The following LCORL variants were observed in gnomAD, a reference collection of about 807,000 sequenced individuals.
LCORL encodes ligand-dependent nuclear receptor corepressor-like protein.
Under a neutral mutation model 141.8 loss-of-function variants are expected in LCORL, and 41 were observed. That is an observed-to-expected ratio of 0.29 (90% CI 0.23 to 0.38). The LOEUF is 0.38. Ranked by LOEUF, LCORL falls within the 10% of genes least tolerant of loss-of-function variation. The probability of loss-of-function intolerance (pLI) is 1.00; values close to 1 mark genes in which losing one functional copy is unlikely to be tolerated. For missense variants in LCORL, 1,759 were observed against 2,035.0 expected (o/e 0.86, Z 2.61); for synonymous variants, 618 against 694.1 (o/e 0.89, Z 1.72).
chr4:17,842,952 GAACTT>G (rs1204605452), exon 8 of LCORL: 1 of 169,290 alleles, frequency 5.9e-6, no homozygotes, highest in Non-Finnish European at 1.3e-5. Flanking sequence ...TCAAGAGAGA[GAACTT>G]AATTTTTTTG....
intron 7 of LCORL, among the ~76,000 whole-genome samples, chr4:17,867,316 CAG>C (rs1325671241): frequency 6.6e-6 from 1 of 151,878 alleles, no homozygotes; most frequent in East Asian, 1.9e-4. Context: ...GTGATACGAA[CAG>C]AGTCGGCAAA....
intron 5 of LCORL, among the ~76,000 whole-genome samples, chr4:17,896,839 CATT>C (rs1332791223): frequency 1.3e-5 from 2 of 151,952 alleles, no homozygotes; most frequent in Admixed American, 1.3e-4. Flanking sequence ...TTTTTGTACC[CATT>C]AACTATCCCC....
At chr4:18,001,464 TC>T (rs1721947201) in intron 1 of LCORL, among the ~76,000 whole-genome samples, 1 of 152,172 alleles carries the variant, frequency 6.6e-6, no homozygotes, top group Non-Finnish European at 1.5e-5. Context: ...TAAGGCTTTA[TC>T]CTAAGGTCAA....
At chr4:17,912,907 A>T (rs531184021) in intron 4 of LCORL, 2 of 464,434 alleles carry the variant, frequency 4.3e-6, no homozygotes, top group Non-Finnish European at 8.4e-6. Flanking sequence ...CATCCAAAAG[A>T]CCACCAGCCA....
chr4:17,945,525 C>G (rs1738731301), intron 4 of LCORL, among the ~76,000 whole-genome samples: 2 of 151,854 alleles, frequency 1.3e-5, no homozygotes, highest in African/African-American at 4.8e-5. Flanking sequence ...TCCTTTTCTC[C>G]CTTTCCAAGT....
exon 7 of LCORL, chr4:17,875,882 G>T: frequency 1.6e-6 from 2 of 1,231,052 alleles, no homozygotes; most frequent in South Asian, 8.2e-5. Flanking sequence ...TTGCATGACT[G>T]AATTTGTTTA....
chr4:17,860,371 G>A (rs1008148539), intron 7 of LCORL, among the ~76,000 whole-genome samples: 3 of 152,124 alleles, frequency 2.0e-5, no homozygotes, highest in African/African-American at 7.2e-5. Flanking sequence ...GTCTCACATG[G>A]TGGCAGACAA....
intron 4 of LCORL, among the ~76,000 whole-genome samples, chr4:17,952,250 T>C (rs544407811): frequency 2.0e-4 from 31 of 151,810 alleles, no homozygotes; most frequent in African/African-American, 7.5e-4. Context: ...GGGCCCCAAA[T>C]AGAATTACAT....
intron 6 of LCORL, chr4:17,883,665 C>CGCAA: frequency 7.1e-7 from 1 of 1,402,502 alleles, no homozygotes; most frequent in African/African-American, 1.8e-5. Context: ...CACATACACA[C>CGCAA]ACACGCAAAC....
intron 1 of LCORL, among the ~76,000 whole-genome samples, chr4:18,015,630 G>C (rs1724512237): frequency 1.3e-5 from 2 of 151,808 alleles, no homozygotes; most frequent in Admixed American, 6.6e-5. Flanking sequence ...TATAAACAAA[G>C]TCTTTTGGAT....
intron 6 of LCORL, chr4:17,883,213 T>C: frequency 1.0e-6 from 1 of 982,578 alleles, no homozygotes; most frequent in Non-Finnish European, 1.2e-6. Flanking sequence ...TATATATTAA[T>C]TTTTCTTAGT....
intron 4 of LCORL, among the ~76,000 whole-genome samples, chr4:17,915,639 G>A (rs908097716): frequency 4.6e-5 from 7 of 152,258 alleles, no homozygotes; most frequent in African/African-American, 1.7e-4. Context: ...AGAACCTCTA[G>A]AAAAATGAGG....
chr4:17,978,609 G>A (rs1018577404), intron 1 of LCORL, among the ~76,000 whole-genome samples: 1 of 149,986 alleles, frequency 6.7e-6, no homozygotes, highest in African/African-American at 2.5e-5. Context: ...TAGCTTTCTT[G>A]GCTTCAATGA....
intron 5 of LCORL, among the ~76,000 whole-genome samples, chr4:17,898,312 C>T (rs1730309994): frequency 6.6e-6 from 1 of 152,060 alleles, no homozygotes; most frequent in Admixed American, 6.6e-5. Context: ...ATGTTACTAA[C>T]ATTATGTTAC....
rs115973143 is a variant in LCORL, at chr4:17,999,543, A to G, written c.154+22055T>C. ...TATAAACTTATGGGACCACCCTCTTATATGTGGTCTGTTGTTGACCAAAAT... is the reference window on the plus strand; with the variant it reads ...TATAAACTTATGGGACCACCCTCTTGTATGTGGTCTGTTGTTGACCAAAAT... On this transcript the variant is annotated intron_variant, in intron 1 of 7. Coordinates refer to ENST00000635767, the Ensembl canonical transcript of LCORL. Among the ~76,000 whole-genome samples, 274 of 152,272 alleles carry G rather than the reference A, an allele frequency of 1.8e-3. 1 individual carries two copies. The highest frequency in any genetic ancestry group is 6.4e-3 in the African/African-American group (267 of 41,542).
chr4:17,869,428 T>C (rs1726076955), intron 7 of LCORL, among the ~76,000 whole-genome samples: 1 of 152,268 alleles, frequency 6.6e-6, no homozygotes, highest in Admixed American at 6.5e-5. Flanking sequence ...TAAACTCTTG[T>C]TGCTATATTC....
At chr4:17,956,013 G>A (rs551098760) in intron 4 of LCORL, among the ~76,000 whole-genome samples, 14 of 151,922 alleles carry the variant, frequency 9.2e-5, no homozygotes, top group Non-Finnish European at 1.2e-4. Flanking sequence ...TAGACATTTC[G>A]CAAAAGAAAG....
At chr4:17,972,373 A>G (rs540772647) in intron 2 of LCORL, among the ~76,000 whole-genome samples, 41 of 151,944 alleles carry the variant, frequency 2.7e-4, no homozygotes, top group African/African-American at 9.4e-4. Context: ...TAAGACAAAT[A>G]TTAAAAGAAC....
At chr4:17,962,255 C>CAA (rs369162765) in intron 3 of LCORL, among the ~76,000 whole-genome samples, 9 of 114,888 alleles carry the variant, frequency 7.8e-5, no homozygotes, top group East Asian at 2.4e-4. Flanking sequence ...AAACTACAGT[C>CAA]AAAAAAAAAA....
Sources: gnomAD v4.1 joint callset for allele counts (sites outside exome capture counted in the v4.1 genomes callset) on GRCh38, gnomAD v4.1.1 for gene constraint, MANE v1.5 for transcripts, NCBI Gene and HGNC (gene_info 2026-07-23, HGNC 2026-07-21) for gene names.